PEX14: variants seen among roughly 807,000 people sequenced by gnomAD.
The protein encoded by PEX14 is peroxisomal biogenesis factor 14, also known as peroxisomal membrane protein PEX14.
A neutral mutation model predicts 49.5 loss-of-function variants in PEX14; 15 were observed. The ratio of observed to expected loss-of-function variants is 0.30; its 90% CI spans 0.20 to 0.47. The LOEUF (loss-of-function observed/expected upper bound fraction) is 0.47. PEX14 is among the 20% of genes least tolerant of loss of function. The probability of loss-of-function intolerance (pLI) is 1.00; values close to 1 mark genes in which losing one functional copy is unlikely to be tolerated. For missense variants in PEX14, 398 were observed against 494.8 expected (o/e 0.80, Z 1.86); for synonymous variants, 210 against 212.7 (o/e 0.99, Z 0.11).
intron 2 of PEX14, among the ~76,000 whole-genome samples, chr1:10,527,300 C>T (rs1638515886): frequency 6.7e-6 from 1 of 148,280 alleles, no homozygotes; most frequent in African/African-American, 2.5e-5. Context: ...TGGCAGATCA[C>T]GAGATCAGGA....
In PEX14 at chr1:10,553,928, C is replaced by A. The variant is rs369475327; in HGVS notation, c.169+17631C>A. On this transcript the variant is annotated intron_variant, in intron 3 of 8. Coordinates refer to ENST00000356607, the MANE Select transcript of PEX14 (RefSeq NM_004565.3). ...GGTTAGTTCCCTGACCTTGCATGCACCTCGGTTTTCTGGTAGCAGATGGTC... is the reference window on the plus strand; with the variant it reads ...GGTTAGTTCCCTGACCTTGCATGCAACTCGGTTTTCTGGTAGCAGATGGTC... 7.9e-5 allele frequency among the ~76,000 whole-genome samples: 12 copies of A among 152,218 alleles called. No homozygotes were observed. In the South Asian group the frequency reaches 2.5e-3, roughly 32 times the overall value.
chr1:10,596,780 A>G (rs1305290732), intron 3 of PEX14, among the ~76,000 whole-genome samples: 2 of 152,236 alleles, frequency 1.3e-5, no homozygotes, highest in Non-Finnish European at 2.9e-5. Flanking sequence ...TAAAAAGAAG[A>G]GAAAGGATTC....
intron 4 of PEX14, among the ~76,000 whole-genome samples, chr1:10,609,383 A>G (rs548790094): frequency 1.3e-5 from 2 of 152,340 alleles, no homozygotes; most frequent in African/African-American, 2.4e-5. Context: ...AATAAGATAC[A>G]TCAATTTTAA....
chr1:10,478,463 T>C (rs1051459076), intron 1 of PEX14, among the ~76,000 whole-genome samples: 4 of 152,216 alleles, frequency 2.6e-5, no homozygotes, highest in Non-Finnish European at 2.9e-5. Flanking sequence ...GACTTTTGCA[T>C]TTCAGGAACA....
At chr1:10,489,457 C>CTT (rs1264703998) in intron 1 of PEX14, among the ~76,000 whole-genome samples, 1 of 152,124 alleles carries the variant, frequency 6.6e-6, no homozygotes, top group Non-Finnish European at 1.5e-5. Context: ...TCTGGATAAT[C>CTT]TTTAATCTAG....
At chr1:10,542,941 T>C (rs1366364565) in intron 3 of PEX14, among the ~76,000 whole-genome samples, 1 of 152,180 alleles carries the variant, frequency 6.6e-6, no homozygotes, top group Non-Finnish European at 1.5e-5. Context: ...GTAAGCAGGA[T>C]AGGGGATATT....
At chr1:10,548,149 G>C (rs1030187188) in intron 3 of PEX14, among the ~76,000 whole-genome samples, 3 of 152,188 alleles carry the variant, frequency 2.0e-5, no homozygotes, top group Admixed American at 6.5e-5. Context: ...CCCTGGAGGC[G>C]GAGGTTGCAG....
chr1:10,490,379 C>T (rs1216258562), intron 1 of PEX14, among the ~76,000 whole-genome samples: 2 of 152,160 alleles, frequency 1.3e-5, no homozygotes, highest in Non-Finnish European at 2.9e-5. Flanking sequence ...CTGGAGCTTT[C>T]GCCAGTTGCT....
intron 3 of PEX14, among the ~76,000 whole-genome samples, chr1:10,542,492 TG>T (rs1477071797): frequency 6.6e-6 from 1 of 152,216 alleles, no homozygotes; most frequent in East Asian, 1.9e-4. Context: ...CTGGGCGCGG[TG>T]GCTCACGCCT....
chr1:10,488,825 C>G (rs1391750665), intron 1 of PEX14, among the ~76,000 whole-genome samples: 1 of 151,752 alleles, frequency 6.6e-6, no homozygotes, highest in Non-Finnish European at 1.5e-5. Context: ...TTATACCTTA[C>G]ATTTCTCTTC....
rs1641535994 is a variant in PEX14, at chr1:10,495,146, T to C, written c.37-128T>C. The C allele has an allele frequency of 1.9e-6, 3 of 1,561,256 alleles. No homozygotes were observed. The highest frequency in any genetic ancestry group is 1.3e-5 in the African/African-American group (1 of 74,178). ...TCCACTGCAAAATACTCTTGTGTCG[T>C]GAAAAACCAGTGAGAGATGTGAGAA... On this transcript the variant is annotated intron_variant, in intron 1 of 8. Transcript: ENST00000356607. The surrounding 1 kb of genome is among the most constrained non-coding windows in gnomAD (Gnocchi z 4.2).
intron 4 of PEX14, among the ~76,000 whole-genome samples, chr1:10,610,366 TATATATAC>T (rs1033215607): frequency 3.4e-4 from 12 of 35,728 alleles, no homozygotes; most frequent in Admixed American, 9.0e-4. Flanking sequence ...CATATATATA[TATATATAC>T]ACACACACAC....
At chr1:10,595,918 C>T (rs898400891) in intron 3 of PEX14, among the ~76,000 whole-genome samples, 2 of 152,230 alleles carry the variant, frequency 1.3e-5, no homozygotes, top group African/African-American at 4.8e-5. Context: ...ATATAATTCA[C>T]TTACAATTGG....
intron 1 of PEX14, among the ~76,000 whole-genome samples, chr1:10,488,587 C>T (rs1474154494): frequency 2.0e-5 from 3 of 151,844 alleles, no homozygotes; most frequent in Admixed American, 2.0e-4. Flanking sequence ...GCAAGCTCTG[C>T]CTCCTGGGTT....
intron 2 of PEX14, among the ~76,000 whole-genome samples, chr1:10,505,392 C>T (rs1641764040): frequency 6.6e-6 from 1 of 152,162 alleles, no homozygotes; most frequent in East Asian, 1.9e-4. Context: ...ATTGCATCAA[C>T]CCAGGAGATT....
chr1:10,513,985 C>T (rs1039014816), intron 2 of PEX14, among the ~76,000 whole-genome samples: 13 of 152,006 alleles, frequency 8.6e-5, no homozygotes, highest in Admixed American at 5.9e-4. Flanking sequence ...TCCCACAGCG[C>T]GTTTATATCC....
chr1:10,530,473 T>G (rs1638615457), intron 2 of PEX14, among the ~76,000 whole-genome samples: 1 of 152,270 alleles, frequency 6.6e-6, no homozygotes, highest in South Asian at 2.1e-4. Context: ...GGCTCTGCGC[T>G]TCTGCCGCCT....
intron 2 of PEX14, among the ~76,000 whole-genome samples, chr1:10,523,291 A>G (rs1176030244): frequency 6.6e-6 from 1 of 152,216 alleles, no homozygotes; most frequent in African/African-American, 2.4e-5. Context: ...CGCAGCGTAT[A>G]AAATATATGG....
intron 7 of PEX14, 61 bp downstream of exon 7, chr1:10,624,498 C>A: frequency 8.6e-7 from 1 of 1,159,594 alleles, no homozygotes; most frequent in Non-Finnish European, 1.3e-6. Context: ...GCCCTTCACT[C>A]TTGTCCCTTG....
Sources: gnomAD v4.1 joint callset for allele counts (sites outside exome capture counted in the v4.1 genomes callset) on GRCh38, gnomAD v4.1.1 for gene constraint, Gnocchi (gnomAD v3.1) non-coding constraint, MANE v1.5 for transcripts, NCBI Gene and HGNC (gene_info 2026-07-23, HGNC 2026-07-21) for gene names.